HYDIN: variants seen among roughly 807,000 people sequenced by gnomAD.
HYDIN encodes the protein axonemal central pair apparatus protein HYDIN.
A neutral mutation model predicts 403.9 loss-of-function variants in HYDIN; 132 were observed. The observed-to-expected ratio is 0.33, with a 90% CI of 0.28 to 0.38. The LOEUF is 0.38. Ranked by LOEUF, HYDIN falls within the 10% of genes least tolerant of loss-of-function variation. The pLI is 1.00. For synonymous variants in HYDIN, 1,202 were observed against 1,891.7 expected (o/e 0.64, Z 9.46); for missense variants, 2,827 against 5,009.5 (o/e 0.56, Z 13.15).
At chr16:70,832,592 T>C (rs2037082590) in intron 80 of HYDIN, among the ~76,000 whole-genome samples, 1 of 152,294 alleles carries the variant, frequency 6.6e-6, no homozygotes, top group South Asian at 2.1e-4. Context: ...GCTTTAATCA[T>C]AGATCTTAGA....
intron 58 of HYDIN, among the ~76,000 whole-genome samples, chr16:70,888,656 A>T (rs1010650131): frequency 4.6e-5 from 7 of 151,948 alleles, no homozygotes; most frequent in African/African-American, 1.7e-4. Context: ...CTCCACAAAC[A>T]GCACAGGAGG....
chr16:71,042,533 T>C (rs2081317594), intron 18 of HYDIN, among the ~76,000 whole-genome samples: 1 of 152,192 alleles, frequency 6.6e-6, no homozygotes, highest in South Asian at 2.1e-4. Flanking sequence ...TTTGGTGAGA[T>C]AGATATTTGC....
chr16:70,940,493 C>T (rs376606861), intron 43 of HYDIN, among the ~76,000 whole-genome samples: 2 of 151,338 alleles, frequency 1.3e-5, no homozygotes, highest in East Asian at 1.9e-4. Flanking sequence ...ATAGTGTGAC[C>T]GTATACCATC....
Position 71,153,515 on chromosome 16 carries a change from G to C in HYDIN, c.717-732C>G, listed in dbSNP as rs61221307. On this transcript the variant is annotated intron_variant, in intron 6 of 85. Transcript: ENST00000393567. ...GCCTTATGGGGAGCAAGGAGACGTAGCCAAGGGAGACAGCAGCCCAGGTGG... is the reference window on the plus strand; with the variant it reads ...GCCTTATGGGGAGCAAGGAGACGTACCCAAGGGAGACAGCAGCCCAGGTGG... Among the ~76,000 whole-genome samples, 1,497 of 152,128 alleles carry C rather than the reference G, an allele frequency of 9.8e-3. 27 individuals carry two copies. Among genetic ancestry groups the C allele is most frequent in the African/African-American group, 0.034 (1,394 of 41,472 alleles).
intron 1 of HYDIN, among the ~76,000 whole-genome samples, chr16:71,204,945 TA>T (rs1174431433): frequency 2.0e-5 from 3 of 152,088 alleles, no homozygotes; most frequent in Admixed American, 2.0e-4. Flanking sequence ...AAAAAAAAAT[TA>T]ATCTCCTTAA....
rs183254818 is a variant in HYDIN, at chr16:70,850,647, A to T, written c.12452T>A (p.Ile4151Asn). 3 of 1,613,764 alleles carry T rather than the reference A, an allele frequency of 1.9e-6. No individual in the cohort carries two copies. The highest frequency in any genetic ancestry group is 2.5e-6 in the Non-Finnish European group (3 of 1,179,738). The change falls in exon 74 of 86, where the codon ATT becomes AAT. Residue 4151 changes from isoleucine to asparagine, a missense_variant. Ile to Asn is a moderately radical substitution (Grantham distance 149, BLOSUM62 -3). Coordinates refer to ENST00000393567, the MANE Select transcript of HYDIN (RefSeq NM_001270974.2). ...CTGCTTTGGTGTGAAGAAAATATCA[A>T]TTGGGAACCTGGTTGGGGAACAAAA... ...GWIPPLSRFP[I>N]DIFFTPKQEG... is the part of the protein sequence containing the mutation.
At chr16:70,933,061 C>T (rs892851466) in intron 45 of HYDIN, among the ~76,000 whole-genome samples, 28 of 151,710 alleles carry the variant, frequency 1.8e-4, no homozygotes, top group African/African-American at 5.8e-4. Flanking sequence ...TTTCTGCAAA[C>T]TGTGTCCTCT....
intron 6 of HYDIN, among the ~76,000 whole-genome samples, chr16:71,156,422 C>T (rs1487352636): frequency 6.6e-6 from 1 of 152,036 alleles, no homozygotes; most frequent in East Asian, 1.9e-4. Context: ...TGCAGACAGG[C>T]TGAACGGGCT....
At chr16:70,835,571 A>C (rs1291727268) in intron 78 of HYDIN, 105 bp downstream of exon 78, 8 of 663,080 alleles carry the variant, frequency 1.2e-5, no homozygotes, top group Admixed American at 5.7e-5. Flanking sequence ...ATGGTCTGGC[A>C]CATTACAGAT....
chr16:71,199,496 C>A (rs1008375996), intron 1 of HYDIN, among the ~76,000 whole-genome samples: 2 of 152,144 alleles, frequency 1.3e-5, no homozygotes, highest in Non-Finnish European at 2.9e-5. Flanking sequence ...TTCATGTGCT[C>A]TCAGGGAAAG....
chr16:71,002,316 T>C (rs1166423959), intron 23 of HYDIN, among the ~76,000 whole-genome samples: 1 of 152,108 alleles, frequency 6.6e-6, no homozygotes, highest in Non-Finnish European at 1.5e-5. Flanking sequence ...GAGCCCAAGG[T>C]AGGAGGATTG....
At chr16:71,112,786 A>G (rs577693997) in intron 10 of HYDIN, among the ~76,000 whole-genome samples, 15 of 152,294 alleles carry the variant, frequency 9.8e-5, no homozygotes, top group African/African-American at 3.6e-4. Context: ...TTAGAGGGAG[A>G]AGGCTAGTGG....
chr16:71,078,596 C>A (rs2144333800), intron 13 of HYDIN, among the ~76,000 whole-genome samples: 1 of 152,266 alleles, frequency 6.6e-6, no homozygotes. Context: ...CCTCCAACTC[C>A]TGGGCTCAAG....
chr16:70,979,257 T>C (rs1168235304), intron 29 of HYDIN, among the ~76,000 whole-genome samples: 1 of 140,530 alleles, frequency 7.1e-6, no homozygotes, highest in Non-Finnish European at 1.5e-5. Context: ...TTCAATGAGA[T>C]TGTGCTTTAG....
chr16:71,208,639 AAGAT>A (rs1450492620), intron 1 of HYDIN, among the ~76,000 whole-genome samples: 3 of 152,192 alleles, frequency 2.0e-5, no homozygotes, highest in Non-Finnish European at 4.4e-5. Context: ...AACAATTAAT[AAGAT>A]AGATAGACCA....
intron 19 of HYDIN, among the ~76,000 whole-genome samples, chr16:71,031,132 G>A (rs1318992141): frequency 4.2e-4 from 63 of 148,654 alleles, no homozygotes; most frequent in African/African-American, 1.4e-3. Context: ...CCCGGGAGGC[G>A]GAGCTTGCAG....
intron 38 of HYDIN, among the ~76,000 whole-genome samples, chr16:70,960,811 C>T (rs2078391941): frequency 6.6e-6 from 1 of 152,026 alleles, no homozygotes; most frequent in Non-Finnish European, 1.5e-5. Context: ...CCTGCCTCAG[C>T]CTCCCAAGTA....
intron 13 of HYDIN, among the ~76,000 whole-genome samples, chr16:71,073,352 A>G (rs1198695834): frequency 1.3e-5 from 2 of 152,162 alleles, no homozygotes; most frequent in Non-Finnish European, 2.9e-5. Flanking sequence ...TGCTTTGCTC[A>G]CACCTACTAT....
intron 52 of HYDIN, among the ~76,000 whole-genome samples, chr16:70,902,821 A>ATATATATTTTTTTTTTTTTTTTT: frequency 1.7e-4 from 8 of 47,294 alleles, no homozygotes; most frequent in African/African-American, 7.0e-4. Flanking sequence ...ATATATATAT[A>ATATATATTTTTTTTTTTTTTTTT]TTTTTTTTTT....
Sources: gnomAD v4.1 joint callset for allele counts (sites outside exome capture counted in the v4.1 genomes callset) on GRCh38, gnomAD v4.1.1 for gene constraint, MANE v1.5 for transcripts, NCBI Gene and HGNC (gene_info 2026-07-23, HGNC 2026-07-21) for gene names.